The following NWD2 variants were observed in gnomAD, a reference collection of about 807,000 sequenced individuals.
NWD2 encodes the protein NACHT and WD repeat domain containing 2.
NWD2 carries 37 observed loss-of-function variants against 132.7 expected under a neutral mutation model. That is an observed-to-expected ratio of 0.28 (90% CI 0.21 to 0.37). NWD2 has a LOEUF of 0.37. Among genes scored for constraint, NWD2 ranks in the 10% least tolerant of loss-of-function variants. The pLI is 1.00. For synonymous variants in NWD2, 705 were observed against 803.0 expected (o/e 0.88, Z 2.06); for missense variants, 1,592 against 2,122.4 (o/e 0.75, Z 4.91).
At chr4:37,320,579 T>C (rs1017088639) in intron 1 of NWD2, among the ~76,000 whole-genome samples, 2 of 152,028 alleles carry the variant, frequency 1.3e-5, no homozygotes, top group African/African-American at 4.8e-5. Flanking sequence ...CACATTGATA[T>C]AAGGAAGAGT....
chr4:37,308,369 T>A (rs1718755837), intron 1 of NWD2, among the ~76,000 whole-genome samples: 1 of 152,184 alleles, frequency 6.6e-6, no homozygotes, highest in Admixed American at 6.5e-5. Flanking sequence ...TCAGTGTCAG[T>A]GGTACCTATG....
intron 1 of NWD2, among the ~76,000 whole-genome samples, chr4:37,262,701 G>T (rs752296480): frequency 1.3e-5 from 2 of 152,100 alleles, no homozygotes; most frequent in Non-Finnish European, 2.9e-5. Flanking sequence ...CATTGTATTG[G>T]ATCTATAGAG....
intron 1 of NWD2, among the ~76,000 whole-genome samples, chr4:37,253,764 A>G (rs1717447113): frequency 1.3e-5 from 2 of 152,220 alleles, no homozygotes; most frequent in South Asian, 4.1e-4. Context: ...GTTTAAAGCC[A>G]CTAAGTTTTG....
chr4:37,324,130 C>T (rs776678097), intron 1 of NWD2, among the ~76,000 whole-genome samples: 1 of 152,054 alleles, frequency 6.6e-6, no homozygotes, highest in Non-Finnish European at 1.5e-5. Context: ...AACAAACCTG[C>T]ACATGTACCC....
intron 1 of NWD2, among the ~76,000 whole-genome samples, chr4:37,306,310 A>G (rs1238642679): frequency 4.6e-5 from 7 of 151,776 alleles, no homozygotes; most frequent in Admixed American, 3.3e-4. Flanking sequence ...TAGTACTTTA[A>G]GTCTTTGTTT....
intron 1 of NWD2, among the ~76,000 whole-genome samples, chr4:37,298,876 G>A (rs953864857): frequency 2.0e-5 from 3 of 152,216 alleles, no homozygotes; most frequent in African/African-American, 2.4e-5. Flanking sequence ...GAAAGTTATG[G>A]GTGAAGTACT....
At chr4:37,359,389 GA>G (rs1337887391) in intron 3 of NWD2, among the ~76,000 whole-genome samples, 1 of 150,612 alleles carries the variant, frequency 6.6e-6, no homozygotes, top group South Asian at 2.1e-4. Context: ...TATAGAAAAA[GA>G]AAAAAAAAGT....
At chr4:37,337,844 CT>C (rs1403556909) in intron 2 of NWD2, among the ~76,000 whole-genome samples, 3 of 152,124 alleles carry the variant, frequency 2.0e-5, no homozygotes, top group Admixed American at 2.0e-4. Context: ...ACTCATCCTC[CT>C]TTTCCCTTTC....
intron 1 of NWD2, among the ~76,000 whole-genome samples, chr4:37,260,146 T>A (rs1341424418): frequency 1.3e-5 from 2 of 152,200 alleles, no homozygotes; most frequent in East Asian, 1.9e-4. Flanking sequence ...GAGAGCGTTC[T>A]TGTTTTCCAA....
intron 1 of NWD2, among the ~76,000 whole-genome samples, chr4:37,286,546 A>G (rs1718233893): frequency 6.6e-6 from 1 of 152,206 alleles, no homozygotes; most frequent in Admixed American, 6.5e-5. Context: ...GAGAAAGCAA[A>G]AAGTTAAAAA....
At chr4:37,353,960 G>A (rs951301313) in intron 2 of NWD2, among the ~76,000 whole-genome samples, 2 of 152,132 alleles carry the variant, frequency 1.3e-5, no homozygotes, top group Non-Finnish European at 2.9e-5. Flanking sequence ...TTTTGCGCTG[G>A]TTTTTTCTCA....
intron 1 of NWD2, among the ~76,000 whole-genome samples, chr4:37,281,889 A>G (rs896904513): frequency 2.6e-5 from 4 of 152,190 alleles, no homozygotes; most frequent in Non-Finnish European, 5.9e-5. Flanking sequence ...TCAATACACA[A>G]ACAATAACAC....
At position 37,346,779 on chromosome 4, in the gene NWD2, G is replaced by T. The variant is rs371276976; in HGVS notation, c.241-9587G>T. ...TTTCTTAGTGATCTTATGAATGAAA[G>T]TGTTTCTTTCTGGTGCTCTTTTAAA... On this transcript the variant is annotated intron_variant, in intron 2 of 6. Transcript: ENST00000309447. 1.2e-3 allele frequency among the ~76,000 whole-genome samples: 181 copies of T among 152,170 alleles called. 3 individuals carry two copies. In the South Asian group the frequency reaches 0.036, roughly 30 times the overall value.
chr4:37,285,805 A>G (rs939804110), intron 1 of NWD2, among the ~76,000 whole-genome samples: 8 of 152,208 alleles, frequency 5.3e-5, no homozygotes, highest in Non-Finnish European at 4.4e-5. Context: ...AAAAGTATAT[A>G]TGTAGAAAAT....
At chr4:37,251,076 C>G (rs950886149) in intron 1 of NWD2, among the ~76,000 whole-genome samples, 1 of 152,128 alleles carries the variant, frequency 6.6e-6, no homozygotes, top group Non-Finnish European at 1.5e-5. Context: ...GTCAGGAATT[C>G]GAGACCAGCC....
At chr4:37,378,152 C>A (rs1254217980) in intron 3 of NWD2, among the ~76,000 whole-genome samples, 2 of 152,174 alleles carry the variant, frequency 1.3e-5, no homozygotes, top group Non-Finnish European at 2.9e-5. Context: ...CTTCATCCAC[C>A]TATATCCCAC....
intron 1 of NWD2, among the ~76,000 whole-genome samples, chr4:37,313,134 T>G (rs1259661717): frequency 6.6e-6 from 1 of 151,260 alleles, no homozygotes; most frequent in Non-Finnish European, 1.5e-5. Context: ...AGGATGAGGC[T>G]GGCCTCATAA....
chr4:37,351,727 T>A (rs914822038), intron 2 of NWD2, among the ~76,000 whole-genome samples: 1 of 152,186 alleles, frequency 6.6e-6, no homozygotes, highest in Admixed American at 6.5e-5. Context: ...GGCTTTAGAA[T>A]TCGTTTGCTC....
At chr4:37,362,646 TTCACCA>T (rs1281002162) in intron 3 of NWD2, among the ~76,000 whole-genome samples, 1 of 152,208 alleles carries the variant, frequency 6.6e-6, no homozygotes, top group Non-Finnish European at 1.5e-5. Context: ...ACCCCTATCC[TTCACCA>T]TACACAAAAA....
Sources: allele counts gnomAD v4.1 joint callset (sites outside exome capture counted in the v4.1 genomes callset), GRCh38; gene constraint gnomAD v4.1.1; transcripts MANE v1.5; gene names NCBI Gene and HGNC (gene_info 2026-07-23, HGNC 2026-07-21).